Variants in ADK observed in about 807,000 individuals in gnomAD.
ADK encodes adenosine kinase.
ADK carries 24 observed loss-of-function variants against 44.7 expected under a neutral mutation model. The observed-to-expected ratio is 0.54, with a 90% confidence interval of 0.39 to 0.76. The LOEUF (loss-of-function observed/expected upper bound fraction) is 0.76, where lower values mean the gene tolerates loss of function less well. Ranked by LOEUF, ADK falls within the 30% of genes least tolerant of loss-of-function variation. The pLI, the probability that ADK is intolerant of heterozygous loss-of-function variation, is 0.00. For missense variants in ADK, 321 were observed against 425.1 expected (o/e 0.76, Z 2.15); for synonymous variants, 128 against 142.6 (o/e 0.90, Z 0.73).
At chr10:74,668,943 G>C (rs1300837118) in intron 9 of ADK, among the ~76,000 whole-genome samples, 3 of 151,166 alleles carry the variant, frequency 2.0e-5, no homozygotes, top group South Asian at 4.2e-4. Context: ...AACTACACAG[G>C]AGGCAGAGAG....
chr10:74,179,013 A>G (rs558624001), intron 1 of ADK, among the ~76,000 whole-genome samples: 19 of 152,244 alleles, frequency 1.2e-4, no homozygotes, highest in Non-Finnish European at 2.2e-4. Flanking sequence ...CAGAAATTGT[A>G]AAGTATCATG....
At chr10:74,251,102 A>AT (rs1360200074) in intron 3 of ADK, among the ~76,000 whole-genome samples, 2 of 152,186 alleles carry the variant, frequency 1.3e-5, no homozygotes, top group African/African-American at 4.8e-5. Context: ...GTTGAAAAAG[A>AT]TTTTGAAGTT....
At position 74,611,493 on chromosome 10, in the gene ADK, T is replaced by C. The variant is rs557978657; in HGVS notation, c.877+11000T>C. ...TTTGGTAAATACAGTCCTACCTTTT[T>C]TTTTTTTTTTTAATTTTAGAATTGG... On this transcript the variant is annotated intron_variant, in intron 9 of 10. Transcript: ENST00000539909. Among the ~76,000 whole-genome samples, 14 of 152,088 alleles carry C rather than the reference T, an allele frequency of 9.2e-5. No individual in the cohort carries two copies. In the East Asian group the frequency reaches 2.7e-3, roughly 29 times the overall value.
intron 7 of ADK, among the ~76,000 whole-genome samples, chr10:74,530,920 C>T (rs1412229907): frequency 6.6e-6 from 1 of 151,830 alleles, no homozygotes; most frequent in African/African-American, 2.4e-5. Flanking sequence ...GACTCTGTCT[C>T]AAAAAGAAAA....
chr10:74,441,092 C>G (rs796886155), intron 6 of ADK, among the ~76,000 whole-genome samples: 9 of 152,264 alleles, frequency 5.9e-5, no homozygotes, highest in African/African-American at 2.2e-4. Flanking sequence ...TTTATGAACA[C>G]CACCTTAGTT....
intron 7 of ADK, among the ~76,000 whole-genome samples, chr10:74,587,583 C>G (rs1007970857): frequency 6.6e-6 from 1 of 152,184 alleles, no homozygotes; most frequent in African/African-American, 2.4e-5. Flanking sequence ...ACTGTACTTT[C>G]TGCCTTACAT....
At chr10:74,394,405 T>C in intron 5 of ADK, 92 bp downstream of exon 5, 1 of 1,213,770 alleles carries the variant, frequency 8.2e-7, no homozygotes, top group Non-Finnish European at 1.2e-6. Context: ...ATTTTGACTT[T>C]ATAATTCCTT....
intron 3 of ADK, among the ~76,000 whole-genome samples, chr10:74,293,121 G>C (rs1328113612): frequency 4.0e-5 from 5 of 123,858 alleles, no homozygotes. Flanking sequence ...AGCTGTGATT[G>C]TATCACTTCA....
intron 6 of ADK, among the ~76,000 whole-genome samples, chr10:74,522,782 G>C (rs1001770258): frequency 5.9e-5 from 9 of 151,874 alleles, no homozygotes; most frequent in Non-Finnish European, 8.8e-5. Context: ...CCATTTATAA[G>C]CCAGTTCTTC....
At chr10:74,577,999 A>G (rs1381623851) in intron 7 of ADK, among the ~76,000 whole-genome samples, 1 of 152,086 alleles carries the variant, frequency 6.6e-6, no homozygotes, top group Non-Finnish European at 1.5e-5. Context: ...CTTCCAGAGT[A>G]GAGTAAGTTA....
intron 10 of ADK, among the ~76,000 whole-genome samples, chr10:74,679,195 C>G (rs1855510584): frequency 6.6e-6 from 1 of 152,160 alleles, no homozygotes. Flanking sequence ...AGCTTCCTCT[C>G]TAAAGGAGGA....
intron 6 of ADK, among the ~76,000 whole-genome samples, chr10:74,440,417 G>A (rs554949420): frequency 6.6e-6 from 1 of 152,156 alleles, no homozygotes; most frequent in South Asian, 2.1e-4. Flanking sequence ...CATACTGTAG[G>A]ATTATAGAAA....
chr10:74,347,106 C>CAAAAAAAAAAAAAAAA (rs58074760), intron 4 of ADK, among the ~76,000 whole-genome samples: 9 of 92,298 alleles, frequency 9.8e-5, no homozygotes, highest in African/African-American at 6.2e-4. Context: ...CACTCTGTCT[C>CAAAAAAAAAAAAAAAA]AAAAAAAAAA....
At chr10:74,443,961 GATAA>G (rs1224871053) in intron 6 of ADK, among the ~76,000 whole-genome samples, 1 of 151,910 alleles carries the variant, frequency 6.6e-6, no homozygotes, top group African/African-American at 2.4e-5. Context: ...ACCCCTATTG[GATAA>G]ATACATTATA....
At chr10:74,298,060 A>G (rs1464090384) in intron 3 of ADK, among the ~76,000 whole-genome samples, 2 of 152,228 alleles carry the variant, frequency 1.3e-5, no homozygotes, top group African/African-American at 4.8e-5. Context: ...AGCACAGTGG[A>G]CTGGGGATTA....
intron 7 of ADK, among the ~76,000 whole-genome samples, chr10:74,571,264 C>G (rs1461978034): frequency 6.6e-6 from 1 of 152,082 alleles, no homozygotes; most frequent in Non-Finnish European, 1.5e-5. Context: ...TTTGTTGTGT[C>G]TCTGCCAGGC....
chr10:74,192,941 G>A (rs1227755216), intron 1 of ADK, among the ~76,000 whole-genome samples: 1 of 152,164 alleles, frequency 6.6e-6, no homozygotes, highest in Admixed American at 6.5e-5. Flanking sequence ...TTTTTGGTGT[G>A]TCTGCCTGTT....
At chr10:74,328,792 C>T (rs1292608431) in intron 4 of ADK, among the ~76,000 whole-genome samples, 1 of 151,994 alleles carries the variant, frequency 6.6e-6, no homozygotes, top group African/African-American at 2.4e-5. Context: ...TCAGTTAAAC[C>T]TCTTTTCTTT....
At chr10:74,537,549 A>G (rs1849497608) in intron 7 of ADK, among the ~76,000 whole-genome samples, 1 of 152,238 alleles carries the variant, frequency 6.6e-6, no homozygotes, top group Admixed American at 6.5e-5. Flanking sequence ...GTAGATGACT[A>G]AAGAACTTGA....
Sources: allele counts gnomAD v4.1 joint callset (sites outside exome capture counted in the v4.1 genomes callset), GRCh38; gene constraint gnomAD v4.1.1; transcripts MANE v1.5; gene names NCBI Gene and HGNC (gene_info 2026-07-23, HGNC 2026-07-21).